The following NR2C2 variants were observed in gnomAD, a reference collection of about 807,000 sequenced individuals.
NR2C2 encodes Nuclear hormone receptor TR4.
Under a neutral mutation model 62.9 loss-of-function variants are expected in NR2C2, and 6 were observed. The ratio of observed to expected loss-of-function variants is 0.10; its 90% CI spans 0.05 to 0.19. NR2C2 has a LOEUF of 0.19. Ranked by LOEUF, NR2C2 falls within the 10% of genes least tolerant of loss-of-function variation. The pLI, the probability that NR2C2 is intolerant of heterozygous loss-of-function variation, is 1.00. For synonymous variants in NR2C2, 272 were observed against 273.8 expected (o/e 0.99, Z 0.07); for missense variants, 479 against 762.7 (o/e 0.63, Z 4.38).
chr3:14,990,636 G>A (rs7634910), intron 1 of NR2C2, among the ~76,000 whole-genome samples: 2,943 of 152,294 alleles, frequency 0.019, 92 homozygotes, highest in African/African-American at 0.067. Context: ...TTTGGCCTGG[G>A]AGGTTGCTGA....
intron 11 of NR2C2, among the ~76,000 whole-genome samples, chr3:15,036,093 G>A (rs1348570105): frequency 2.6e-5 from 4 of 152,286 alleles, no homozygotes; most frequent in Non-Finnish European, 5.9e-5. Flanking sequence ...GGGAGGCTGA[G>A]GCATGAGAAT....
rs2042392485 is a variant in NR2C2, at chr3:15,044,765, G to A, written c.*1757G>A. ...GGGTGCAGTCTGGCCAGCTACAGAC[G>A]CCCCTGTGGTGCCACATTGGACAGA... On this transcript the variant is annotated 3_prime_UTR_variant, in exon 14 of 14. Transcript: ENST00000425241. 3 of 152,362 alleles carry A rather than the reference G, an allele frequency of 2.0e-5. No homozygotes were observed. The South Asian group carries it at 6.2e-4, about 32-fold the overall frequency. The allele number at this position is 152,362 out of a possible 1,614,324, so 9.4% of individuals were successfully genotyped here.
intron 1 of NR2C2, among the ~76,000 whole-genome samples, chr3:14,949,868 AGAGAT>A (rs2039295253): frequency 6.6e-6 from 1 of 152,202 alleles, no homozygotes; most frequent in Admixed American, 6.5e-5. Flanking sequence ...CTCTCGAGAT[AGAGAT>A]ATTTATACAC....
chr3:15,042,930 G>C lies in NR2C2; in HGVS notation c.1713G>C (p.Ser571=). 6 of 1,614,076 alleles carry C rather than the reference G, an allele frequency of 3.7e-6. No individual in the cohort carries two copies. The highest frequency in any genetic ancestry group is 4.2e-6 in the Non-Finnish European group (5 of 1,180,012). The change falls in exon 14 of 14, where the codon TCG becomes TCC. Residue 571 remains serine (S), a synonymous_variant. Transcript: ENST00000425241. The stretch of plus-strand genomic sequence containing the variant: ...TTACTGGTCTCATTGGCAATGTTTC[G>C]ATAGACAGCATAATCCCCTACATCC... ...LFFTGLIGNV[S]IDSIIPYILK...
intron 1 of NR2C2, among the ~76,000 whole-genome samples, chr3:14,959,998 A>C (rs1438847736): frequency 6.6e-6 from 1 of 152,234 alleles, no homozygotes; most frequent in Non-Finnish European, 1.5e-5. Flanking sequence ...TGGATTATCT[A>C]CATGGGAAAA....
chr3:14,978,187 G>A (rs895759507), intron 1 of NR2C2, among the ~76,000 whole-genome samples: 1 of 152,192 alleles, frequency 6.6e-6, no homozygotes, highest in Admixed American at 6.5e-5. Flanking sequence ...CACACCGTAA[G>A]CTTCAGTACA....
intron 1 of NR2C2, among the ~76,000 whole-genome samples, chr3:14,982,886 C>T (rs1035622236): frequency 2.0e-5 from 3 of 151,968 alleles, no homozygotes; most frequent in Admixed American, 6.6e-5. Flanking sequence ...AGCCTTTATT[C>T]GATTAAGGAC....
intron 1 of NR2C2, among the ~76,000 whole-genome samples, chr3:14,978,876 AGGT>A (rs1196350962): frequency 2.6e-5 from 4 of 152,064 alleles, no homozygotes; most frequent in Non-Finnish European, 5.9e-5. Flanking sequence ...GTGATATGAG[AGGT>A]GGTGGTGATG....
intron 1 of NR2C2, among the ~76,000 whole-genome samples, chr3:14,954,071 C>T (rs1364708855): frequency 6.6e-6 from 1 of 152,116 alleles, no homozygotes; most frequent in East Asian, 1.9e-4. Flanking sequence ...TCCCCTGTCC[C>T]ACCACTATGG....
chr3:15,036,878 T>G (rs2042116552), intron 11 of NR2C2, among the ~76,000 whole-genome samples: 1 of 152,146 alleles, frequency 6.6e-6, no homozygotes, highest in Non-Finnish European at 1.5e-5. Flanking sequence ...TCCCAGCACT[T>G]TGGGAGGCCG....
intron 1 of NR2C2, among the ~76,000 whole-genome samples, chr3:14,990,729 G>A (rs2040647153): frequency 6.6e-6 from 1 of 152,210 alleles, no homozygotes; most frequent in Non-Finnish European, 1.5e-5. Flanking sequence ...CAGTATTGAA[G>A]TCTATTCTCT....
At chr3:15,008,674 T>C (rs1421415553) in intron 2 of NR2C2, among the ~76,000 whole-genome samples, 1 of 152,160 alleles carries the variant, frequency 6.6e-6, no homozygotes, top group Non-Finnish European at 1.5e-5. Flanking sequence ...AGAATGGTGG[T>C]GTATGAGATC....
chr3:14,949,284 A>G (rs2039269234), intron 1 of NR2C2, among the ~76,000 whole-genome samples: 1 of 152,160 alleles, frequency 6.6e-6, no homozygotes, highest in African/African-American at 2.4e-5. Context: ...ATTTAGATGG[A>G]ATGGTCAGGG....
In NR2C2 at chr3:15,038,986, A is replaced by G. The variant is rs965070402; in HGVS notation, c.1511-136A>G. The stretch of plus-strand genomic sequence containing the variant: ...AAAAGCCAGTGTTCTAATAATACCC[A>G]AACTAGATCAGTCTTTGAGTTCAAT... On this transcript the variant is annotated intron_variant, in intron 12 of 13. Coordinates refer to ENST00000425241, the MANE Select transcript of NR2C2 (RefSeq NM_001291694.2). 1.2e-5 allele frequency: 8 copies of G among 668,144 alleles called. No homozygotes were observed. In the African/African-American group the frequency reaches 1.5e-4, roughly 12 times the overall value. The allele number at this position is 668,144 out of a possible 1,614,324, so 41.4% of individuals were successfully genotyped here.
At chr3:15,013,548 G>A in intron 2 of NR2C2, 41 bp from the exon 3 acceptor site, 1 of 1,584,332 alleles carries the variant, frequency 6.3e-7, no homozygotes, top group Non-Finnish European at 8.6e-7. Context: ...CATGGGTCTT[G>A]TGACACTCCA....
chr3:14,982,520 T>A (rs2040400594), intron 1 of NR2C2, among the ~76,000 whole-genome samples: 1 of 150,470 alleles, frequency 6.6e-6, no homozygotes, highest in Non-Finnish European at 1.5e-5. Flanking sequence ...TTTCTTTGAT[T>A]TTTTTTCTGC....
chr3:15,017,970 C>T (rs2041558184), intron 4 of NR2C2, among the ~76,000 whole-genome samples: 3 of 152,130 alleles, frequency 2.0e-5, no homozygotes, highest in Non-Finnish European at 4.4e-5. Flanking sequence ...TGTGAAAGTA[C>T]TTTGTGAATA....
At position 15,047,103 on chromosome 3, in the gene NR2C2, G is replaced by A. The variant is rs1303276209; in HGVS notation, c.*4095G>A. ...CATATGTACAGTGTATATAGTGTGT[G>A]TATGTGTACATAGATGTATATTATG... On this transcript the variant is annotated 3_prime_UTR_variant, in exon 14 of 14. Coordinates refer to ENST00000425241, the MANE Select transcript of NR2C2 (RefSeq NM_001291694.2). 6.6e-6 allele frequency: 1 copy of A among 152,556 alleles called. No individual in the cohort carries two copies. The highest frequency in any genetic ancestry group is 1.9e-4 in the East Asian group (1 of 5,182). The allele number at this position is 152,556 out of a possible 1,614,324, so 9.5% of individuals were successfully genotyped here.
chr3:15,041,946 G>C (rs56264118), intron 13 of NR2C2, among the ~76,000 whole-genome samples: 10,908 of 152,234 alleles, frequency 0.072, 429 homozygotes, highest in Middle Eastern at 0.099. Context: ...TATTGTAATT[G>C]GGATCATAAA....
Sources: allele counts gnomAD v4.1 joint callset (sites outside exome capture counted in the v4.1 genomes callset), GRCh38; gene constraint gnomAD v4.1.1; transcripts MANE v1.5; gene names NCBI Gene and HGNC (gene_info 2026-07-23, HGNC 2026-07-21).